The following ADGRF3 variants were observed in gnomAD, a reference collection of about 807,000 sequenced individuals.
ADGRF3 encodes G protein-coupled receptor 113.
Under a neutral mutation model 93.2 loss-of-function variants are expected in ADGRF3, and 85 were observed. The observed-to-expected ratio is 0.91, with a 90% CI of 0.77 to 1.09. The LOEUF (loss-of-function observed/expected upper bound fraction) is 1.09. Among genes scored for constraint, ADGRF3 ranks in the 50% least tolerant of loss-of-function variants. ADGRF3 has a pLI of 0.00. For missense variants in ADGRF3, 1,125 were observed against 1,246.2 expected, an observed-to-expected ratio of 0.90 and a Z score of 1.46; for synonymous variants, 534 against 532.5, an observed-to-expected ratio of 1.00 and a Z score of -0.04.
At chr2:26,315,802 G>A (rs1314815627) in intron 4 of ADGRF3, 62 bp from the exon 5 acceptor site, 6 of 1,544,252 alleles carry the variant, frequency 3.9e-6, no homozygotes, top group East Asian at 2.4e-5. Flanking sequence ...AGATGCAGCC[G>A]AGCAATGGCT....
In ADGRF3 at chr2:26,311,110, A is replaced by G. The variant is rs750156989; in HGVS notation, c.2414T>C (p.Val805Ala). The G allele has an allele frequency of 2.5e-6, 4 of 1,598,678 alleles. No individual in the cohort carries two copies. In the Admixed American group the frequency reaches 7.0e-5, roughly 28 times the overall value. ...ALVLAHQLLF[V>A]FHQLAKHRVL... ...TCGGTGCTTTGCCAGCTGGTGAAAG[A>G]CAAAGAGCAGCTGGTGGGCCAACAC... Residue 805 changes from valine to alanine, a missense_variant, in exon 10 of 14, where the codon GTC (valine) becomes GCC (alanine). Coordinates refer to ENST00000651242, the MANE Select transcript of ADGRF3 (RefSeq NM_001321971.2).
At chr2:26,342,906 C>T (rs944580412) in intron 1 of ADGRF3, among the ~76,000 whole-genome samples, 15 of 152,114 alleles carry the variant, frequency 9.9e-5, no homozygotes, top group East Asian at 3.9e-4. Context: ...CCATGCCTGC[C>T]GGGTTTAGGA....
At position 26,308,896 on chromosome 2, in the gene ADGRF3, G is replaced by T; in HGVS notation, c.*190C>A. The T allele has an allele frequency of 1.5e-6, 1 of 673,910 alleles. No homozygotes were observed. The highest frequency in any genetic ancestry group is 2.5e-6 in the Non-Finnish European group (1 of 407,954). 41.7% of individuals were successfully genotyped at this position (673,910 alleles called of 1,614,324 possible). A position where few individuals can be genotyped will look rare whatever the true frequency, so the allele number is the denominator to read the frequency against. On this transcript the variant is annotated 3_prime_UTR_variant, in exon 14 of 14. Transcript: ENST00000651242. Reference sequence around the variant, plus strand: ...GCTAATTTTTCCTGCTATTCTTGCTGGATACTTTAGAAATGAGAAGGGGTG... The same window carrying T: ...GCTAATTTTTCCTGCTATTCTTGCTTGATACTTTAGAAATGAGAAGGGGTG...
intron 1 of ADGRF3, among the ~76,000 whole-genome samples, chr2:26,326,117 C>A (rs991483642): frequency 1.6e-4 from 24 of 152,188 alleles, no homozygotes; most frequent in African/African-American, 5.8e-4. Flanking sequence ...TGATTTTGAT[C>A]TGAGCCAAGT....
chr2:26,344,491 T>C (rs1481817902), intron 1 of ADGRF3, among the ~76,000 whole-genome samples: 2 of 152,236 alleles, frequency 1.3e-5, no homozygotes, highest in East Asian at 3.8e-4. Flanking sequence ...CTTCACAGCA[T>C]ATCAAAGAGA....
At position 26,311,349 on chromosome 2, in the gene ADGRF3, C is replaced by G. The variant is rs753894101; in HGVS notation, c.2175G>C (p.Trp725Cys). ...LALLVCLGVY[W>C]LVWRVVVRNK... is the part of the protein sequence containing the mutation. Reference sequence around the variant, plus strand: ...TCCGCACCACGACTCTCCACACCAGCCAGTACACACCCAGGCACACAAGCA... The same window carrying G: ...TCCGCACCACGACTCTCCACACCAGGCAGTACACACCCAGGCACACAAGCA... The change falls in exon 10 of 14, where the codon TGG (tryptophan) becomes TGC (cysteine). Residue 725 changes from tryptophan to cysteine, a missense_variant. Trp to Cys is a radical substitution (Grantham distance 215, BLOSUM62 -2). Coordinates refer to ENST00000651242, the MANE Select transcript of ADGRF3 (RefSeq NM_001321971.2). 16 of 1,614,038 alleles carry G rather than the reference C, an allele frequency of 9.9e-6. No homozygotes were observed. The highest frequency in any genetic ancestry group is 1.4e-5 in the Non-Finnish European group (16 of 1,179,900).
At position 26,314,425 on chromosome 2, in the gene ADGRF3, T is replaced by TCTCCAGGG; in HGVS notation, c.909_916dup (p.Glu306AlafsTer90). On this transcript the variant is annotated frameshift_variant, in exon 6 of 14. Transcript: ENST00000651242. LOFTEE classifies it high-confidence loss of function. The stretch of plus-strand genomic sequence containing the variant: ...GCCCCTTCTCATACCTTTGCTGCCC[T>TCTCCAGGG]CTCCAGGGCTCCAGGCCGCGGTGTA... 1 of 1,613,290 alleles carries TCTCCAGGG rather than the reference T, an allele frequency of 6.2e-7. No homozygotes were observed. Among genetic ancestry groups the TCTCCAGGG allele is most frequent in the Non-Finnish European group, 8.5e-7 (1 of 1,179,648 alleles).
chr2:26,310,805 G>A lies in ADGRF3; in HGVS notation c.2719C>T (p.Leu907=). Reference sequence around the variant, plus strand: ...CCAAAGATGGGTGTAAGAATGAGCAGGGCTTTGATCACCCCCAGCAGAGCT... The same window carrying A: ...CCAAAGATGGGTGTAAGAATGAGCAAGGCTTTGATCACCCCCAGCAGAGCT... The part of the protein sequence containing the change: ...RQALLGVIKA[L]LILTPIFGLT... The change falls in exon 10 of 14, where the codon CTG becomes TTG. Residue 907 remains leucine (L), a synonymous_variant. Transcript: ENST00000651242. 6.2e-7 allele frequency: 1 copy of A among 1,613,838 alleles called. No individual in the cohort carries two copies. The highest frequency in any genetic ancestry group is 1.1e-5 in the South Asian group (1 of 91,044).
At chr2:26,329,721 A>C (rs1675656618) in intron 1 of ADGRF3, among the ~76,000 whole-genome samples, 1 of 152,190 alleles carries the variant, frequency 6.6e-6, no homozygotes. Flanking sequence ...AATAACTTTT[A>C]CATTTTTGGT....
At chr2:26,315,339 T>C (rs1674553266) in intron 5 of ADGRF3, among the ~76,000 whole-genome samples, 183 bp downstream of exon 5, 1 of 152,118 alleles carries the variant, frequency 6.6e-6, no homozygotes, top group Non-Finnish European at 1.5e-5. Context: ...CCTCTTAGCC[T>C]TTGTTTCCCC....
chr2:26,312,138 A>G lies in ADGRF3; in HGVS notation c.1450-64T>C, dbSNP rs1674221453. 1.0e-5 allele frequency: 15 copies of G among 1,486,860 alleles called. No individual in the cohort carries two copies. The South Asian group carries it at 1.4e-4, about 14-fold the overall frequency. 92.1% of individuals were successfully genotyped at this position (1,486,860 alleles called of 1,614,324 possible). On this transcript the variant is annotated intron_variant, in intron 9 of 13. Coordinates refer to ENST00000651242, the MANE Select transcript of ADGRF3 (RefSeq NM_001321971.2). Reference sequence around the variant, plus strand: ...CGCCCACAGGACTGAGCCGGGGGCAATGAGAACAACAGACCCCACACCTTC... The same window carrying G: ...CGCCCACAGGACTGAGCCGGGGGCAGTGAGAACAACAGACCCCACACCTTC...
chr2:26,312,157 C>T, intron 9 of ADGRF3, 83 bp from the exon 10 acceptor site: 1 of 1,339,882 alleles, frequency 7.5e-7, no homozygotes, highest in Non-Finnish European at 1.0e-6. Flanking sequence ...ACAGACCCCA[C>T]ACCTTCCCTT....
intron 1 of ADGRF3, among the ~76,000 whole-genome samples, chr2:26,341,249 G>T (rs779846703): frequency 7.2e-5 from 11 of 152,108 alleles, no homozygotes; most frequent in Non-Finnish European, 1.0e-4. Context: ...CATGGTGGCG[G>T]GCGCCTGTAG....
intron 5 of ADGRF3, chr2:26,314,956 T>C (rs1319587460): frequency 3.3e-6 from 1 of 298,810 alleles, no homozygotes; most frequent in African/African-American, 2.1e-5. Context: ...GACGGTATTC[T>C]CCACATTCTC....
intron 1 of ADGRF3, among the ~76,000 whole-genome samples, chr2:26,328,030 G>T (rs573922260): frequency 1.3e-5 from 2 of 152,126 alleles, no homozygotes; most frequent in Non-Finnish European, 2.9e-5. Context: ...CATTATATTA[G>T]GAATGGGATT....
chr2:26,324,737 G>A (rs1675350950), intron 1 of ADGRF3, among the ~76,000 whole-genome samples: 1 of 152,178 alleles, frequency 6.6e-6, no homozygotes, highest in South Asian at 2.1e-4. Flanking sequence ...TGGGCATTTA[G>A]GTTGATTACA....
At chr2:26,344,586 T>C in intron 1 of ADGRF3, among the ~76,000 whole-genome samples, 1 of 152,198 alleles carries the variant, frequency 6.6e-6, no homozygotes. Flanking sequence ...AAAATTAAGA[T>C]GTATAAGATG....
chr2:26,316,482 C>A, intron 3 of ADGRF3, 34 bp from the exon 4 acceptor site: 1 of 1,543,198 alleles, frequency 6.5e-7, no homozygotes, highest in Admixed American at 2.0e-5. Context: ...GGTGGGCAGG[C>A]TGTCTGAAGA....
Position 26,313,023 on chromosome 2 carries a change from G to T in ADGRF3, c.1369C>A (p.Leu457Met). The stretch of plus-strand genomic sequence containing the variant: ...TATTTCATGGTGCTCAGCAGGGTCA[G>T]TAAGTCGGAGGGTGAACTTGCCTCT... ...AAEASSPSDLLTLLSTMKYVA... is the reference protein window; with the variant it reads ...AAEASSPSDLMTLLSTMKYVA... The change falls in exon 9 of 14, where the codon CTG (leucine) becomes ATG (methionine). Residue 457 changes from leucine to methionine, a missense_variant. Leu to Met is a conservative substitution (Grantham distance 15). Coordinates refer to ENST00000651242, the MANE Select transcript of ADGRF3 (RefSeq NM_001321971.2). 6.2e-7 allele frequency: 1 copy of T among 1,614,058 alleles called. No individual in the cohort carries two copies. Among genetic ancestry groups the T allele is most frequent in the Non-Finnish European group, 8.5e-7 (1 of 1,179,896 alleles).
Sources: gnomAD v4.1 joint callset for allele counts (sites outside exome capture counted in the v4.1 genomes callset) on GRCh38, gnomAD v4.1.1 for gene constraint, MANE v1.5 for transcripts, NCBI Gene and HGNC (gene_info 2026-07-23, HGNC 2026-07-21) for gene names.